Variants in SYTL3 observed in about 807,000 individuals in gnomAD.
SYTL3 encodes the protein synaptotagmin-like protein 3.
A neutral mutation model predicts 82.1 loss-of-function variants in SYTL3; 88 were observed. That is an observed-to-expected ratio of 1.07 (90% CI 0.90 to 1.28). SYTL3 has a LOEUF of 1.28. SYTL3 is among the 50% of genes most tolerant of loss of function. The pLI is 0.00. For synonymous variants in SYTL3, 311 were observed against 289.4 expected (o/e 1.07, Z -0.76); for missense variants, 831 against 757.6 (o/e 1.10, Z -1.14).
chr6:158,661,488 G>A (rs1165609336), intron 3 of SYTL3, 103 bp downstream of exon 3: 1 of 152,184 alleles, frequency 6.6e-6, no homozygotes, highest in Non-Finnish European at 1.5e-5. Flanking sequence ...ACTAGAAGCC[G>A]AGAACATCCC....
At position 158,764,636 on chromosome 6, in the gene SYTL3, G is replaced by A; in HGVS notation, c.*32G>A. 6.6e-7 allele frequency: 1 copy of A among 1,516,630 alleles called. No homozygotes were observed. The highest frequency in any genetic ancestry group is 9.2e-7 in the Non-Finnish European group (1 of 1,091,232). The allele number at this position is 1,516,630 out of a possible 1,614,324, so 93.9% of individuals were successfully genotyped here. A position where few individuals can be genotyped will look rare whatever the true frequency, so the allele number is the denominator to read the frequency against. ...GGCCTCAAGGTTCCAGGTTGCAGCAGGCGTGAGGCACTGTGCGTCTGCAGA... is the reference window on the plus strand; with the variant it reads ...GGCCTCAAGGTTCCAGGTTGCAGCAAGCGTGAGGCACTGTGCGTCTGCAGA... On this transcript the variant is annotated 3_prime_UTR_variant, in exon 18 of 18. Coordinates refer to ENST00000611299, the MANE Select transcript of SYTL3 (RefSeq NM_001242394.2).
In SYTL3 at chr6:158,739,216, C is replaced by T. The variant is rs374625076; in HGVS notation, c.856-6264C>T. On this transcript the variant is annotated intron_variant, in intron 11 of 17. Coordinates refer to ENST00000611299, the MANE Select transcript of SYTL3 (RefSeq NM_001242394.2). ...TTTTTCTCCTGTGTTACTGTCTCTA[C>T]CACCTTCTTTTCATCATTCTTTTTG... 8.9e-4 allele frequency among the ~76,000 whole-genome samples: 136 copies of T among 152,262 alleles called. 5 individuals carry two copies. The South Asian group carries it at 0.027, about 30-fold the overall frequency.
intron 5 of SYTL3, among the ~76,000 whole-genome samples, chr6:158,666,369 T>G (rs768149739): frequency 3.3e-5 from 5 of 152,192 alleles, no homozygotes; most frequent in African/African-American, 4.8e-5. Flanking sequence ...AATTGGTGTT[T>G]AGGGGGTTTT....
chr6:158,710,771 C>CTTT (rs3062743), intron 8 of SYTL3, among the ~76,000 whole-genome samples: 97 of 141,404 alleles, frequency 6.9e-4, no homozygotes, highest in Middle Eastern at 7.3e-3. Flanking sequence ...GTGGTCTAAG[C>CTTT]TTTTTTTTTT....
intron 11 of SYTL3, among the ~76,000 whole-genome samples, chr6:158,736,683 G>C (rs896187618): frequency 6.6e-6 from 1 of 151,740 alleles, no homozygotes; most frequent in African/African-American, 2.4e-5. Flanking sequence ...ACCTACTTGG[G>C]AGGCTGAGGC....
chr6:158,716,681 C>T (rs1410944052), intron 9 of SYTL3, among the ~76,000 whole-genome samples: 1 of 152,170 alleles, frequency 6.6e-6, no homozygotes, highest in Non-Finnish European at 1.5e-5. Context: ...AAGACTCATT[C>T]TTGGGCAGTG....
chr6:158,761,228 C>T (rs961820929), intron 15 of SYTL3, among the ~76,000 whole-genome samples: 6 of 150,978 alleles, frequency 4.0e-5, no homozygotes, highest in Non-Finnish European at 7.4e-5. Flanking sequence ...CCTTCAATAA[C>T]GTGGGGCGTG....
intron 16 of SYTL3, 135 bp downstream of exon 16, chr6:158,762,313 A>G (rs759879762): frequency 9.2e-6 from 6 of 653,118 alleles, no homozygotes; most frequent in Non-Finnish European, 1.5e-5. Context: ...AAAATCTAAC[A>G]ACACATATTA....
chr6:158,757,357 C>A lies in SYTL3; in HGVS notation c.1284C>A (p.Phe428Leu), dbSNP rs201437789. The stretch of plus-strand genomic sequence containing the variant: ...TTGAAGACAGCACAACACAGTCCTT[C>A]CGCTGGCATCCGCTCCGGGCCAAGG... ...WDFEDSTTQS[F>L]RWHPLRAKAE... Residue 428 changes from phenylalanine (F) to leucine (L), a missense_variant, in exon 14 of 18, where the codon TTC (phenylalanine) becomes TTA (leucine). Transcript: ENST00000611299. The A allele has an allele frequency of 6.2e-7, 1 of 1,614,064 alleles. No homozygotes were observed. The highest frequency in any genetic ancestry group is 2.2e-5 in the East Asian group (1 of 44,878).
chr6:158,748,306 G>A (rs879227469), intron 12 of SYTL3, among the ~76,000 whole-genome samples: 13 of 152,086 alleles, frequency 8.5e-5, no homozygotes, highest in African/African-American at 2.4e-4. Flanking sequence ...TTTAGTACCA[G>A]ACAAATTAAG....
At position 158,757,243 on chromosome 6, in the gene SYTL3, G is replaced by C. The variant is rs769682310; in HGVS notation, c.1170G>C (p.Arg390=). The stretch of plus-strand genomic sequence containing the variant: ...TGGCCCCTGCCCAGCTGGTGACCCG[G>C]CAGCTGCAGGTCTCGGTGTGGCATC... The part of the protein sequence containing the change: ...YQVAPAQLVT[R]QLQVSVWHLG... Residue 390 remains arginine (R), a synonymous_variant, in exon 14 of 18, where the codon CGG becomes CGC. Transcript: ENST00000611299. 6.2e-7 allele frequency: 1 copy of C among 1,611,724 alleles called. No individual in the cohort carries two copies. The highest frequency in any genetic ancestry group is 1.7e-5 in the Admixed American group (1 of 59,974).
chr6:158,745,517 T>A lies in SYTL3; in HGVS notation c.893T>A (p.Met298Lys). 1 of 1,613,440 alleles carries A rather than the reference T, an allele frequency of 6.2e-7. No individual in the cohort carries two copies. Among genetic ancestry groups the A allele is most frequent in the South Asian group, 1.1e-5 (1 of 90,972 alleles). ...AGCATTGACAGCACCTGTACAGAGATGGGCAATTTTGACAATGCTAATGTC... is the reference window on the plus strand; with the variant it reads ...AGCATTGACAGCACCTGTACAGAGAAGGGCAATTTTGACAATGCTAATGTC... ...LISIDSTCTE[M>K]GNFDNANVTG... Residue 298 changes from methionine (M) to lysine (K), a missense_variant, in exon 12 of 18, where the codon ATG becomes AAG. Met to Lys is a moderately conservative substitution (Grantham distance 95, BLOSUM62 -1). Coordinates refer to ENST00000611299, the MANE Select transcript of SYTL3 (RefSeq NM_001242394.2).
chr6:158,701,873 G>A (rs534308845), intron 6 of SYTL3, among the ~76,000 whole-genome samples: 1 of 152,088 alleles, frequency 6.6e-6, no homozygotes, highest in African/African-American at 2.4e-5. Context: ...CCTGCTTCTA[G>A]TGGGTCTCAG....
chr6:158,749,507 CTTTTTTTTT>C (rs765386344), intron 12 of SYTL3, among the ~76,000 whole-genome samples: 5 of 66,024 alleles, frequency 7.6e-5, no homozygotes, highest in African/African-American at 1.3e-4. Flanking sequence ...TTCTTTCTCT[CTTTTTTTTT>C]TTTTTTTTTT....
At chr6:158,653,947 T>C (rs990787052) in intron 2 of SYTL3, among the ~76,000 whole-genome samples, 7 of 152,180 alleles carry the variant, frequency 4.6e-5, no homozygotes, top group Admixed American at 1.3e-4. Flanking sequence ...GAATAAACAA[T>C]GTGTCCCTTT....
intron 4 of SYTL3, 50 bp downstream of exon 4, chr6:158,663,428 T>A: frequency 6.3e-7 from 1 of 1,598,540 alleles, no homozygotes; most frequent in Middle Eastern, 2.2e-4. Flanking sequence ...CTTTCTCTGC[T>A]TGGGGCCTGC....
At chr6:158,699,861 C>T (rs542592880) in intron 6 of SYTL3, among the ~76,000 whole-genome samples, 103 of 151,936 alleles carry the variant, frequency 6.8e-4, no homozygotes, top group East Asian at 1.7e-3. Flanking sequence ...GTAGAAGAAT[C>T]GCTTGAACCA....
chr6:158,728,140 A>C (rs1178728901), intron 11 of SYTL3, among the ~76,000 whole-genome samples: 2 of 152,092 alleles, frequency 1.3e-5, no homozygotes, highest in Non-Finnish European at 2.9e-5. Flanking sequence ...TTTTACGGTT[A>C]AGTCTGTGTC....
At chr6:158,647,771 A>G (rs77247551), upstream of SYTL3, among the ~76,000 whole-genome samples, 730 of 152,378 alleles carry the variant, frequency 4.8e-3, 6 homozygotes, top group African/African-American at 0.016. Flanking sequence ...ATTTTAGAAT[A>G]ATGTTTAGTT....
Sources: allele counts gnomAD v4.1 joint callset (sites outside exome capture counted in the v4.1 genomes callset), GRCh38; gene constraint gnomAD v4.1.1; transcripts MANE v1.5; gene names NCBI Gene and HGNC (gene_info 2026-07-23, HGNC 2026-07-21).